Variants in DDX39A observed in about 807,000 individuals in gnomAD.
DDX39A encodes ATP-dependent RNA helicase DDX39A.
Under a neutral mutation model 46.3 loss-of-function variants are expected in DDX39A, and 13 were observed. That is an observed-to-expected ratio of 0.28 (90% CI 0.18 to 0.45). The LOEUF (loss-of-function observed/expected upper bound fraction) is 0.45. DDX39A is among the 20% of genes least tolerant of loss of function. The pLI is 1.00. For missense variants in DDX39A, 352 were observed against 581.8 expected (o/e 0.61, Z 4.06); for synonymous variants, 234 against 224.6 (o/e 1.04, Z -0.38).
Position 14,409,987 on chromosome 19 carries a change from G to A in DDX39A, c.733-114C>T. On this transcript the variant is annotated intron_variant, in intron 6 of 10. Coordinates refer to ENST00000242776, the MANE Select transcript of DDX39A (RefSeq NM_005804.4). The surrounding 1 kb of genome is among the most constrained non-coding windows in gnomAD (Gnocchi z 8.3). ...TGCGACACTTCCCAGAGGACCTGCT[G>A]CACCAGACCTCAGTAAACATCGCTC... The A allele has an allele frequency of 7.4e-7, 1 of 1,350,124 alleles. No individual in the cohort carries two copies. The allele number at this position is 1,350,124 out of a possible 1,614,324, so 83.6% of individuals were successfully genotyped here.
At position 14,412,817 on chromosome 19, in the gene DDX39A, G is replaced by A. The variant is rs973921310; in HGVS notation, c.209-139C>T. 3 of 1,328,102 alleles carry A rather than the reference G, an allele frequency of 2.3e-6. No homozygotes were observed. The highest frequency in any genetic ancestry group is 2.9e-5 in the African/African-American group (2 of 68,078). The allele number at this position is 1,328,102 out of a possible 1,614,324, so 82.3% of individuals were successfully genotyped here. On this transcript the variant is annotated intron_variant, in intron 2 of 10. Transcript: ENST00000242776. The surrounding 1 kb of genome is among the most constrained non-coding windows in gnomAD (Gnocchi z 4.4). ...CAAGGCCACAGACACCTGCAGGGCT[G>A]GGGTATCCGCCTGGTCAAAGCAGAA...
rs896563152 is a variant in DDX39A, at chr19:14,410,051, A to T, written c.732+165T>A. The T allele has an allele frequency of 9.7e-7, 1 of 1,034,520 alleles. No homozygotes were observed. Among genetic ancestry groups the T allele is most frequent in the Non-Finnish European group, 1.5e-6 (1 of 672,348 alleles). 64.1% of individuals were successfully genotyped at this position (1,034,520 alleles called of 1,614,324 possible). A position where few individuals can be genotyped will look rare whatever the true frequency, so the allele number is the denominator to read the frequency against. On this transcript the variant is annotated intron_variant, in intron 6 of 10. Coordinates refer to ENST00000242776, the MANE Select transcript of DDX39A (RefSeq NM_005804.4). The surrounding 1 kb of genome is among the most constrained non-coding windows in gnomAD (Gnocchi z 4.3). ...AAGCTCTGGCCCGACTCAGGTGTGG[A>T]CCAAGCTTGACTCCCAGTTTGACAA...
intron 1 of DDX39A, among the ~76,000 whole-genome samples, chr19:14,415,445 A>C (rs1976772490): frequency 6.6e-6 from 1 of 151,976 alleles, no homozygotes; most frequent in Non-Finnish European, 1.5e-5. Flanking sequence ...CAGGAGCTAC[A>C]TGCGCCCGCC....
chr19:14,413,200 T>C lies in DDX39A; in HGVS notation c.21A>G (p.Glu7=). Residue 7 remains glutamate, a synonymous_variant, in exon 2 of 11, where the codon GAA becomes GAG. Transcript: ENST00000242776. MAEQDV[E]NDLLDYDEEE... ...CTTCATCGTAATCCAAAAGATCGTTTTCCACATCCTGTTCTGCCATGATGC... is the reference window on the plus strand; with the variant it reads ...CTTCATCGTAATCCAAAAGATCGTTCTCCACATCCTGTTCTGCCATGATGC... The C allele has an allele frequency of 6.2e-7, 1 of 1,614,002 alleles. No individual in the cohort carries two copies. The highest frequency in any genetic ancestry group is 1.1e-5 in the South Asian group (1 of 91,080).
Position 14,408,887 on chromosome 19 carries a change from T to G in DDX39A, c.*49A>C, listed in dbSNP as rs1976411961. 1 of 1,542,532 alleles carries G rather than the reference T, an allele frequency of 6.5e-7. No homozygotes were observed. ...AACAGTGGCGCCTGGAAAGGGGAGGTGAAGCTGCATGCGGGCGGCTCCGGG... is the reference window on the plus strand; with the variant it reads ...AACAGTGGCGCCTGGAAAGGGGAGGGGAAGCTGCATGCGGGCGGCTCCGGG... On this transcript the variant is annotated 3_prime_UTR_variant, in exon 11 of 11. Transcript: ENST00000242776.
Position 14,409,591 on chromosome 19 carries a change from C to T in DDX39A, c.919G>A (p.Val307Met), listed in dbSNP as rs747261610. 7.4e-6 allele frequency: 12 copies of T among 1,611,568 alleles called. No homozygotes were observed. Among genetic ancestry groups the T allele is most frequent in the African/African-American group, 2.7e-5 (2 of 74,922 alleles). ...QRCMALAQLL[V>M]EQNFPAIAIH... Reference sequence around the variant, plus strand: ...GCGATGGCCGGGAAGTTCTGCTCCACGAGGAGCTGGGCCAGGGCCATGCAG... The same window carrying T: ...GCGATGGCCGGGAAGTTCTGCTCCATGAGGAGCTGGGCCAGGGCCATGCAG... Residue 307 changes from valine to methionine, a missense_variant, in exon 8 of 11, where the codon GTG (valine) becomes ATG (methionine). By Grantham distance (21) the Val-to-Met change is conservative. Transcript: ENST00000242776. This position sits in a 1 kb window ranked among gnomAD's most constrained non-coding sequence, Gnocchi z 8.3.
In DDX39A at chr19:14,410,211, C is replaced by T; in HGVS notation, c.732+5G>A. Reference sequence around the variant, plus strand: ...GGCCAAAGCTGCCACTCTCGCCCTACTCACATCCTGCATGAACTTCCTGCA... The same window carrying T: ...GGCCAAAGCTGCCACTCTCGCCCTATTCACATCCTGCATGAACTTCCTGCA... On this transcript the variant is annotated splice_donor_5th_base_variant and intron_variant, in intron 6 of 10. Transcript: ENST00000242776. The surrounding 1 kb of genome is among the most constrained non-coding windows in gnomAD (Gnocchi z 4.3). 1 of 1,613,658 alleles carries T rather than the reference C, an allele frequency of 6.2e-7. No homozygotes were observed. The highest frequency in any genetic ancestry group is 8.5e-7 in the Non-Finnish European group (1 of 1,179,646).
chr19:14,411,187 A>T lies in DDX39A; in HGVS notation c.430-15T>A. ...AACACAGACACCTATGGGGATGAGG[A>T]GGAAACCGCTCCATGCTGATACACG... is the stretch of plus-strand genomic sequence containing the variant. On this transcript the variant is annotated splice_polypyrimidine_tract_variant and intron_variant, in intron 4 of 10. Coordinates refer to ENST00000242776, the MANE Select transcript of DDX39A (RefSeq NM_005804.4). The surrounding 1 kb of genome is among the most constrained non-coding windows in gnomAD (Gnocchi z 4.1). 6.4e-7 allele frequency: 1 copy of T among 1,559,836 alleles called. No homozygotes were observed. Among genetic ancestry groups the T allele is most frequent in the South Asian group, 1.2e-5 (1 of 84,286 alleles).
At position 14,412,614 on chromosome 19, in the gene DDX39A, C is replaced by A. The variant is rs1246193368; in HGVS notation, c.273G>T (p.Gly91=). ...GMDVLCQAKS[G]MGKTAVFVLA... Reference sequence around the variant, plus strand: ...GCACGAAGACCGCTGTCTTGCCCATCCCGGACTTGGCCTGGCACAGGACGT... The same window carrying A: ...GCACGAAGACCGCTGTCTTGCCCATACCGGACTTGGCCTGGCACAGGACGT... The change falls in exon 3 of 11, where the codon GGG becomes GGT. Residue 91 remains glycine (G), a synonymous_variant. Coordinates refer to ENST00000242776, the MANE Select transcript of DDX39A (RefSeq NM_005804.4). The surrounding 1 kb of genome is among the most constrained non-coding windows in gnomAD (Gnocchi z 4.4). 2 of 1,610,960 alleles carry A rather than the reference C, an allele frequency of 1.2e-6. No homozygotes were observed. The highest frequency in any genetic ancestry group is 1.3e-5 in the African/African-American group (1 of 74,944).
Position 14,409,329 on chromosome 19 carries a change from C to T in DDX39A, c.1093G>A (p.Glu365Lys). Residue 365 changes from glutamate (E) to lysine (K), a missense_variant, in exon 9 of 11, where the codon GAG becomes AAG. By Grantham distance (56) the Glu-to-Lys change is moderately conservative. Around this residue, in one of 3 missense-constraint regions of DDX39A, gnomAD observed 301 missense variants for 469.9 expected, o/e 0.64. Transcript: ENST00000242776. This position sits in a 1 kb window ranked among gnomAD's most constrained non-coding sequence, Gnocchi z 8.3. The part of the protein sequence containing the change: ...VNIVFNYDMP[E>K]DSDTYLHRVA... The stretch of plus-strand genomic sequence containing the variant: ...CGGTGCAGGTAGGTGTCCGAGTCCT[C>T]AGGCATGTCGTAGTTAAAGACGATG... 1 of 1,614,252 alleles carries T rather than the reference C, an allele frequency of 6.2e-7. No individual in the cohort carries two copies. Among genetic ancestry groups the T allele is most frequent in the Non-Finnish European group, 8.5e-7 (1 of 1,180,050 alleles).
chr19:14,415,720 C>T (rs1433577692), intron 1 of DDX39A, among the ~76,000 whole-genome samples: 1 of 152,024 alleles, frequency 6.6e-6, no homozygotes, highest in Non-Finnish European at 1.5e-5. Flanking sequence ...ATCCTCCTCC[C>T]TGGTTTCCCT....
chr19:14,413,289 T>C (rs1976669288), intron 1 of DDX39A, 65 bp from the exon 2 acceptor site: 3 of 1,422,614 alleles, frequency 2.1e-6, no homozygotes, highest in South Asian at 1.3e-5. Context: ...TTCATTCAAA[T>C]GGCATTCTCT....
rs924716928 is a variant in DDX39A at position 14,412,526 on chromosome 19, G to T, written c.336+25C>A. On this transcript the variant is annotated intron_variant, in intron 3 of 10. Transcript: ENST00000242776. This position sits in a 1 kb window ranked among gnomAD's most constrained non-coding sequence, Gnocchi z 4.4. Reference sequence around the variant, plus strand: ...CTTCCGCCGCCACAGGCAGGGTGGGGCCAGGAAGGGAGGAGCCCACCCACC... The same window carrying T: ...CTTCCGCCGCCACAGGCAGGGTGGGTCCAGGAAGGGAGGAGCCCACCCACC... The T allele has an allele frequency of 1.9e-6, 3 of 1,599,482 alleles. No homozygotes were observed. Among genetic ancestry groups the T allele is most frequent in the Non-Finnish European group, 2.5e-6 (3 of 1,177,296 alleles).
chr19:14,412,774 G>A lies in DDX39A; in HGVS notation c.209-96C>T. On this transcript the variant is annotated intron_variant, in intron 2 of 10. Coordinates refer to ENST00000242776, the MANE Select transcript of DDX39A (RefSeq NM_005804.4). This position sits in a 1 kb window ranked among gnomAD's most constrained non-coding sequence, Gnocchi z 4.4. ...CGGGGGCCCACAGTGAGGGCAATCA[G>A]AAGAGGCCGAGTCCGGACAAGGCCA... 6.7e-7 allele frequency: 1 copy of A among 1,496,700 alleles called. No individual in the cohort carries two copies. Among genetic ancestry groups the A allele is most frequent in the Non-Finnish European group, 9.0e-7 (1 of 1,115,290 alleles). The allele number at this position is 1,496,700 out of a possible 1,614,324, so 92.7% of individuals were successfully genotyped here.
intron 1 of DDX39A, 175 bp downstream of exon 1, chr19:14,419,095 G>A (rs2146398153): frequency 2.4e-6 from 1 of 416,348 alleles, no homozygotes; most frequent in South Asian, 1.6e-5. Flanking sequence ...CCTAGCGCAT[G>A]CGCCCCGGTG....
Position 14,411,262 on chromosome 19 carries a change from AG to A in DDX39A, c.430-91del. ...CCAGCACCTGCGAACAGGAGGCCTC[AG>A]GGGACCAAGGCAGGCCTGAGAGCCT... is the stretch of plus-strand genomic sequence containing the variant. On this transcript the variant is annotated intron_variant, in intron 4 of 10. Coordinates refer to ENST00000242776, the MANE Select transcript of DDX39A (RefSeq NM_005804.4). The surrounding 1 kb of genome is among the most constrained non-coding windows in gnomAD (Gnocchi z 4.1). 7.0e-7 allele frequency: 1 copy of A among 1,435,602 alleles called. No homozygotes were observed. 88.9% of individuals were successfully genotyped at this position (1,435,602 alleles called of 1,614,324 possible).
At chr19:14,417,435 A>T (rs974456573) in intron 1 of DDX39A, among the ~76,000 whole-genome samples, 2 of 141,366 alleles carry the variant, frequency 1.4e-5, no homozygotes, top group African/African-American at 5.3e-5. Flanking sequence ...AACCTGGACA[A>T]TAAGTCGAGA....
chr19:14,418,239 A>G (rs1976898956), intron 1 of DDX39A, among the ~76,000 whole-genome samples: 1 of 151,382 alleles, frequency 6.6e-6, no homozygotes, highest in South Asian at 2.1e-4. Flanking sequence ...CTCAAAACTG[A>G]TTAGATCAGG....
Position 14,412,745 on chromosome 19 carries a change from T to C in DDX39A, c.209-67A>G, listed in dbSNP as rs145069484. 7.4e-5 allele frequency: 114 copies of C among 1,542,438 alleles called. No individual in the cohort carries two copies. In the African/African-American group the frequency reaches 1.3e-3, roughly 18 times the overall value. On this transcript the variant is annotated intron_variant, in intron 2 of 10. Coordinates refer to ENST00000242776, the MANE Select transcript of DDX39A (RefSeq NM_005804.4). This position sits in a 1 kb window ranked among gnomAD's most constrained non-coding sequence, Gnocchi z 4.4. ...ACCCCCGTGCAGGATCCTCACCAGT[T>C]GACCGGGGGCCCACAGTGAGGGCAA...
Sources: allele counts gnomAD v4.1 joint callset (sites outside exome capture counted in the v4.1 genomes callset), GRCh38; gene constraint gnomAD v4.1.1; regional missense constraint gnomAD v4.1.1; non-coding constraint Gnocchi (gnomAD v3.1); transcripts MANE v1.5; gene names NCBI Gene and HGNC (gene_info 2026-07-23, HGNC 2026-07-21).